Variants in HEATR3 observed in about 807,000 individuals in gnomAD.
The protein encoded by HEATR3 is HEAT repeat containing 3.
HEATR3 carries 56 observed loss-of-function variants against 72.8 expected under a neutral mutation model. The observed-to-expected ratio is 0.77, with a 90% CI of 0.62 to 0.96. The LOEUF is 0.96. HEATR3 is among the 40% of genes least tolerant of loss of function. HEATR3 has a pLI of 0.00. For synonymous variants in HEATR3, 331 were observed against 318.1 expected (o/e 1.04, Z -0.43); for missense variants, 747 against 831.4 (o/e 0.90, Z 1.25).
At chr16:50,079,076 A>C (rs1348277985) in intron 7 of HEATR3, 58 bp downstream of exon 7, 1 of 1,506,670 alleles carries the variant, frequency 6.6e-7, no homozygotes, top group African/African-American at 1.4e-5. Context: ...TTTTTCCAGC[A>C]GTTATCCTTG....
intron 11 of HEATR3, among the ~76,000 whole-genome samples, chr16:50,089,586 T>G (rs1207574748): frequency 6.6e-6 from 1 of 152,222 alleles, no homozygotes; most frequent in Non-Finnish European, 1.5e-5. Flanking sequence ...AGTGTCATTG[T>G]TATTTATTTT....
chr16:50,103,133 C>T (rs2037405259), intron 14 of HEATR3, among the ~76,000 whole-genome samples: 1 of 152,180 alleles, frequency 6.6e-6, no homozygotes, highest in Admixed American at 6.5e-5. Context: ...AAAAAATATC[C>T]CCTATTTCCC....
In HEATR3 at chr16:50,104,960, A is replaced by G. The variant is rs371829042; in HGVS notation, c.1942A>G (p.Asn648Asp). ...GCAGATACGTAAAGAAGGGAGAGGT[A>G]ACTATAGCACAGATCAGCTGTGTGT... ...KMKIRKEGRGNYSTDQLCVLD... is the reference protein window; with the variant it reads ...KMKIRKEGRGDYSTDQLCVLD... The change falls in exon 15 of 15, where the codon AAC becomes GAC. Residue 648 changes from asparagine (N) to aspartate (D), a missense_variant. Around this residue, in one of 2 missense-constraint regions of HEATR3, gnomAD observed 586 missense variants for 708.8 expected, o/e 0.83. Coordinates refer to ENST00000299192, the MANE Select transcript of HEATR3 (RefSeq NM_182922.4). The G allele has an allele frequency of 1.9e-6, 3 of 1,598,628 alleles. No individual in the cohort carries two copies. In the African/African-American group the frequency reaches 4.1e-5, roughly 22 times the overall value.
intron 7 of HEATR3, among the ~76,000 whole-genome samples, chr16:50,080,567 CG>C (rs964467163): frequency 4.3e-4 from 66 of 152,030 alleles, no homozygotes; most frequent in African/African-American, 1.5e-3. Context: ...CTCAAACTCC[CG>C]ACCTCAGGTG....
At chr16:50,075,046 G>A (rs2036693843) in intron 5 of HEATR3, 1 of 150,088 alleles carries the variant, frequency 6.7e-6, no homozygotes, top group African/African-American at 2.5e-5. Flanking sequence ...GCTGGGCATG[G>A]TGGCTCATGC....
intron 6 of HEATR3, 47 bp downstream of exon 6, chr16:50,075,758 G>GT: frequency 6.4e-7 from 1 of 1,564,548 alleles, no homozygotes; most frequent in African/African-American, 1.3e-5. Flanking sequence ...GTAGCTTTTG[G>GT]TATGGATGTG....
chr16:50,094,597 T>G (rs533816143), intron 11 of HEATR3, 108 bp from the exon 12 acceptor site: 75 of 620,336 alleles, frequency 1.2e-4, no homozygotes, highest in Non-Finnish European at 1.9e-4. Context: ...TTTGTTTTAT[T>G]AAGAATAGCA....
chr16:50,084,400 G>T (rs114563876), intron 9 of HEATR3, 109 bp downstream of exon 9: 1 of 1,355,200 alleles, frequency 7.4e-7, no homozygotes, highest in Non-Finnish European at 1.0e-6. Context: ...TGTAGATGGT[G>T]GTAAGATCTG....
chr16:50,089,359 C>G (rs1003022718), intron 11 of HEATR3, among the ~76,000 whole-genome samples: 1 of 150,464 alleles, frequency 6.6e-6, no homozygotes. Context: ...ATGTATTCAC[C>G]TAATGACATG....
chr16:50,078,954 A>C lies in HEATR3; in HGVS notation c.977A>C (p.Glu326Ala). 1 of 1,613,984 alleles carries C rather than the reference A, an allele frequency of 6.2e-7. No individual in the cohort carries two copies. The highest frequency in any genetic ancestry group is 1.1e-5 in the South Asian group (1 of 91,036). Reference protein sequence around the residue: ...TNGDDLIEDDEMEGISHKRRV... With the variant: ...TNGDDLIEDDAMEGISHKRRV... ...GGGGATGATTTGATTGAAGATGATG[A>C]AATGGAAGGAATTTCTCATAAAAGA... is the stretch of plus-strand genomic sequence containing the variant. Residue 326 changes from glutamate (E) to alanine (A), a missense_variant, in exon 7 of 15, where the codon GAA becomes GCA. This residue lies in a region of HEATR3 where 586 missense variants were observed against 708.8 expected (regional missense o/e 0.83). Coordinates refer to ENST00000299192, the MANE Select transcript of HEATR3 (RefSeq NM_182922.4).
Position 50,101,202 on chromosome 16 carries a change from C to T in HEATR3, c.1743+829C>T, listed in dbSNP as rs143108711. On this transcript the variant is annotated intron_variant, in intron 13 of 14. Coordinates refer to ENST00000299192, the MANE Select transcript of HEATR3 (RefSeq NM_182922.4). The stretch of plus-strand genomic sequence containing the variant: ...TGTGATCTCGGCTCACTGCAACCTC[C>T]GCCTCTGGGTTCAAGCAATTCTTCT... Among the ~76,000 whole-genome samples the T allele has an allele frequency of 1.7e-3, 251 of 148,910 alleles. 5 individuals are homozygous for T. Among genetic ancestry groups the T allele is most frequent in the South Asian group, 6.0e-3 (28 of 4,640 alleles).
chr16:50,079,224 C>T (rs1252356445), intron 7 of HEATR3, among the ~76,000 whole-genome samples: 1 of 152,110 alleles, frequency 6.6e-6, no homozygotes, highest in Non-Finnish European at 1.5e-5. Context: ...TAAAGTGAAT[C>T]GTTTTATATG....
intron 13 of HEATR3, among the ~76,000 whole-genome samples, chr16:50,101,563 T>TG (rs2037366211): frequency 6.6e-6 from 1 of 152,210 alleles, no homozygotes. Flanking sequence ...CTCTTAATCT[T>TG]GAACAGTTCC....
At chr16:50,075,763 G>T in intron 6 of HEATR3, 52 bp downstream of exon 6, 1 of 1,533,556 alleles carries the variant, frequency 6.5e-7, no homozygotes, top group Non-Finnish European at 8.9e-7. Context: ...TTTTGGTATG[G>T]ATGTGGTGGG....
Position 50,079,197 on chromosome 16 carries a change from GA to G in HEATR3, c.1041+186del, listed in dbSNP as rs538659655. Among the ~76,000 whole-genome samples the G allele has an allele frequency of 7.0e-3, 1,063 of 152,180 alleles. 7 individuals carry two copies. Among genetic ancestry groups the G allele is most frequent in the Admixed American group, 0.018 (276 of 15,302 alleles). On this transcript the variant is annotated intron_variant, in intron 7 of 14. Coordinates refer to ENST00000299192, the MANE Select transcript of HEATR3 (RefSeq NM_182922.4). ...TGTCATTAAAAATCTCCTAAAGGGG[GA>G]AAAAAATCTCTTGTCTAAAGTGAAT... is the stretch of plus-strand genomic sequence containing the variant.
intron 12 of HEATR3, among the ~76,000 whole-genome samples, chr16:50,098,964 C>T (rs2150626937): frequency 6.6e-6 from 1 of 151,794 alleles, no homozygotes; most frequent in East Asian, 1.9e-4. Flanking sequence ...TAATTTTTTT[C>T]TTAATGCTTT....
At chr16:50,103,148 G>A (rs1445624205) in intron 14 of HEATR3, among the ~76,000 whole-genome samples, 2 of 152,160 alleles carry the variant, frequency 1.3e-5, no homozygotes, top group African/African-American at 4.8e-5. Flanking sequence ...TTTCCCTGCA[G>A]CTTCAAGGAA....
At position 50,075,769 on chromosome 16, in the gene HEATR3, G is replaced by T. The variant is rs982819682; in HGVS notation, c.763+58G>T. The T allele has an allele frequency of 6.7e-6, 10 of 1,487,836 alleles. 1 individual carries two copies. In the Admixed American group the frequency reaches 9.1e-5, roughly 14 times the overall value. The allele number at this position is 1,487,836 out of a possible 1,614,324, so 92.2% of individuals were successfully genotyped here. A position where few individuals can be genotyped will look rare whatever the true frequency, so the allele number is the denominator to read the frequency against. ...TTCAGTAGCTTTTGGTATGGATGTG[G>T]TGGGGGCAAAATTTAGTCATTCATT... is the stretch of plus-strand genomic sequence containing the variant. On this transcript the variant is annotated intron_variant, in intron 6 of 14. Transcript: ENST00000299192.
At chr16:50,069,165 G>C (rs889501158) in intron 3 of HEATR3, 1 of 213,192 alleles carries the variant, frequency 4.7e-6, no homozygotes, top group Middle Eastern at 1.9e-3. Context: ...TATGTGCCAG[G>C]TATTATTTTC....
Sources: allele counts gnomAD v4.1 joint callset (sites outside exome capture counted in the v4.1 genomes callset), GRCh38; gene constraint gnomAD v4.1.1; regional missense constraint gnomAD v4.1.1; transcripts MANE v1.5; gene names NCBI Gene and HGNC (gene_info 2026-07-23, HGNC 2026-07-21).